The following ATF7IP variants were observed in gnomAD, a reference collection of about 807,000 sequenced individuals.
ATF7IP encodes activating transcription factor 7 interacting protein, also known as activating transcription factor 7-interacting protein 1.
In ATF7IP, 23 loss-of-function variants were observed where a neutral mutation model predicts 106.4. The ratio of observed to expected loss-of-function variants is 0.22; its 90% confidence interval spans 0.16 to 0.31. ATF7IP has a LOEUF of 0.31. Among genes scored for constraint, ATF7IP ranks in the 10% least tolerant of loss-of-function variants. The pLI is 1.00. For missense variants in ATF7IP, 1,334 were observed against 1,524.3 expected (o/e 0.88, Z 2.08); for synonymous variants, 542 against 539.0 (o/e 1.01, Z -0.08).
rs567691528 is a variant in ATF7IP at position 14,497,520 on chromosome 12, T to C, written c.3394-134T>C. On this transcript the variant is annotated intron_variant, in intron 14 of 14. Transcript: ENST00000261168. ...CAAATAGAACTTGCCAAATTTGATA[T>C]GGTATTTGGTATTTCCTAGAATTCT... 101 of 928,708 alleles carry C rather than the reference T, an allele frequency of 1.1e-4. No homozygotes were observed. The Middle Eastern group carries it at 2.1e-3, about 19-fold the overall frequency. 57.5% of individuals were successfully genotyped at this position (928,708 alleles called of 1,614,324 possible).
intron 8 of ATF7IP, 107 bp downstream of exon 8, chr12:14,457,402 A>G: frequency 1.4e-5 from 12 of 831,034 alleles, no homozygotes; most frequent in Non-Finnish European, 2.2e-5. Context: ...AATTGGGCAC[A>G]TTGGTCTAAG....
At chr12:14,497,577 C>G (rs1256015144) in intron 14 of ATF7IP, 77 bp from the exon 15 acceptor site, 108 of 1,363,550 alleles carry the variant, frequency 7.9e-5, no homozygotes, top group Non-Finnish European at 1.1e-4. Flanking sequence ...CGTATGTTCT[C>G]TAAGGTGTTT....
intron 1 of ATF7IP, among the ~76,000 whole-genome samples, chr12:14,404,036 C>T (rs1940410573): frequency 1.3e-5 from 2 of 151,636 alleles, no homozygotes; most frequent in Admixed American, 1.3e-4. Flanking sequence ...TTTTTAAATG[C>T]AGAGTCAGTT....
chr12:14,478,260 A>T (rs1944319726), intron 11 of ATF7IP, 57 bp from the exon 12 acceptor site: 1 of 1,560,786 alleles, frequency 6.4e-7, no homozygotes, highest in South Asian at 1.1e-5. Context: ...TAGAGGAAAG[A>T]CTTGTATTTC....
chr12:14,441,373 A>G (rs1325657559), intron 5 of ATF7IP, among the ~76,000 whole-genome samples: 1 of 151,698 alleles, frequency 6.6e-6, no homozygotes, highest in Non-Finnish European at 1.5e-5. Context: ...GATCAATCAT[A>G]TGTGCTTGTT....
At chr12:14,409,048 TATCAA>T (rs1214386490) in intron 1 of ATF7IP, among the ~76,000 whole-genome samples, 1 of 152,092 alleles carries the variant, frequency 6.6e-6, no homozygotes, top group Non-Finnish European at 1.5e-5. Flanking sequence ...TGTTTTCTAA[TATCAA>T]AGCTTTGGAC....
intron 9 of ATF7IP, 98 bp from the exon 10 acceptor site, chr12:14,466,428 A>G: frequency 1.1e-6 from 1 of 936,720 alleles, no homozygotes; most frequent in South Asian, 1.4e-5. Flanking sequence ...GTTGACGGAA[A>G]AGTAGTTGGA....
Position 14,423,964 on chromosome 12 carries a change from A to G in ATF7IP, c.49A>G (p.Thr17Ala), listed in dbSNP as rs1287205559. Residue 17 changes from threonine to alanine, a missense_variant, in exon 2 of 15, where the codon ACG becomes GCG. Coordinates refer to ENST00000261168, the MANE Select transcript of ATF7IP (RefSeq NM_018179.5). The part of the protein sequence containing the change: ...PQKKVFKARK[T>A]MRVSDRQQLE... ...GAAAAAAGTCTTTAAGGCTCGAAAAACGATGAGAGTGAGTGATCGTCAGCA... is the reference window on the plus strand; with the variant it reads ...GAAAAAAGTCTTTAAGGCTCGAAAAGCGATGAGAGTGAGTGATCGTCAGCA... 2 of 1,612,078 alleles carry G rather than the reference A, an allele frequency of 1.2e-6. No homozygotes were observed. The highest frequency in any genetic ancestry group is 1.7e-6 in the Non-Finnish European group (2 of 1,179,358).
At chr12:14,466,494 T>C in intron 9 of ATF7IP, 32 bp from the exon 10 acceptor site, 1 of 1,558,892 alleles carries the variant, frequency 6.4e-7, no homozygotes, top group Non-Finnish European at 8.7e-7. Context: ...ATTTTGTAGA[T>C]GTTTTTAAAA....
chr12:14,461,060 G>A lies in ATF7IP; in HGVS notation c.2724G>A (p.Gln908=). 6.2e-7 allele frequency: 1 copy of A among 1,614,096 alleles called. No individual in the cohort carries two copies. The highest frequency in any genetic ancestry group is 8.5e-7 in the Non-Finnish European group (1 of 1,180,000). The change falls in exon 9 of 15, where the codon CAG becomes CAA. Residue 908 remains glutamine, a synonymous_variant. Coordinates refer to ENST00000261168, the MANE Select transcript of ATF7IP (RefSeq NM_018179.5). ...CATCAACTAATCGAGGTCCTATACA[G>A]ATGAAAATTCCAATTTCTGCATTTA... is the stretch of plus-strand genomic sequence containing the variant. ...YSPSTNRGPI[Q]MKIPISAFST...
intron 13 of ATF7IP, among the ~76,000 whole-genome samples, chr12:14,491,253 ACACACC>A (rs1456416116): frequency 6.6e-6 from 1 of 152,202 alleles, no homozygotes; most frequent in Non-Finnish European, 1.5e-5. Flanking sequence ...GGCTGGAGTA[ACACACC>A]CACATGAGGA....
chr12:14,466,868 C>A (rs1037325427), intron 10 of ATF7IP, among the ~76,000 whole-genome samples: 2 of 152,052 alleles, frequency 1.3e-5, no homozygotes, highest in African/African-American at 4.8e-5. Flanking sequence ...AGTCATTTGC[C>A]TTTACATACT....
At chr12:14,492,500 G>A (rs1029705723) in intron 13 of ATF7IP, among the ~76,000 whole-genome samples, 4 of 136,636 alleles carry the variant, frequency 2.9e-5, no homozygotes, top group African/African-American at 7.6e-5. Context: ...CTGTAAACTG[G>A]CTCAAGTCTG....
At chr12:14,455,628 A>C (rs558559579) in intron 6 of ATF7IP, among the ~76,000 whole-genome samples, 1 of 152,192 alleles carries the variant, frequency 6.6e-6, no homozygotes, top group South Asian at 2.1e-4. Flanking sequence ...TCTGTCACCC[A>C]GGCTGGAGTG....
chr12:14,385,466 C>G, intron 1 of ATF7IP: 1 of 1,426,098 alleles, frequency 7.0e-7, no homozygotes, highest in Non-Finnish European at 9.5e-7. Context: ...AGGAATTTAA[C>G]TGAGTTTACT....
In ATF7IP at chr12:14,502,500, C is replaced by T. The variant is rs960255810; in HGVS notation, c.*4427C>T. On this transcript the variant is annotated 3_prime_UTR_variant, in exon 15 of 15. Transcript: ENST00000261168. Reference sequence around the variant, plus strand: ...CAGCTAAGTACCCATATTTAAATGCCGTCTTTATTATTTTTTTGAGGTCTT... The same window carrying T: ...CAGCTAAGTACCCATATTTAAATGCTGTCTTTATTATTTTTTTGAGGTCTT... The T allele has an allele frequency of 7.2e-5, 11 of 151,896 alleles. No individual in the cohort carries two copies. The highest frequency in any genetic ancestry group is 2.7e-4 in the African/African-American group (11 of 41,356). 9.4% of individuals were successfully genotyped at this position (151,896 alleles called of 1,614,324 possible).
In ATF7IP at chr12:14,500,469, T is replaced by C. The variant is rs1945130801; in HGVS notation, c.*2396T>C. Reference sequence around the variant, plus strand: ...GATGGTAAAGAAGTTGCCAGTGTTATGGCAATGAAAATTTCAGAAAGGAGG... The same window carrying C: ...GATGGTAAAGAAGTTGCCAGTGTTACGGCAATGAAAATTTCAGAAAGGAGG... On this transcript the variant is annotated 3_prime_UTR_variant, in exon 15 of 15. Coordinates refer to ENST00000261168, the MANE Select transcript of ATF7IP (RefSeq NM_018179.5). 6.6e-6 allele frequency: 1 copy of C among 152,230 alleles called. No homozygotes were observed. The highest frequency in any genetic ancestry group is 1.5e-5 in the Non-Finnish European group (1 of 68,034). 9.4% of individuals were successfully genotyped at this position (152,230 alleles called of 1,614,324 possible). A position where few individuals can be genotyped will look rare whatever the true frequency, so the allele number is the denominator to read the frequency against.
chr12:14,422,677 TCTCA>T (rs1241753868), intron 1 of ATF7IP, among the ~76,000 whole-genome samples: 1 of 152,218 alleles, frequency 6.6e-6, no homozygotes, highest in Non-Finnish European at 1.5e-5. Flanking sequence ...GACTGGCTTC[TCTCA>T]CTCAGCATAT....
intron 10 of ATF7IP, among the ~76,000 whole-genome samples, chr12:14,467,619 T>A (rs1189549069): frequency 6.6e-6 from 1 of 152,110 alleles, no homozygotes; most frequent in Non-Finnish European, 1.5e-5. Context: ...TTATAGGAAG[T>A]CTAGTTAAAC....
Sources: allele counts gnomAD v4.1 joint callset (sites outside exome capture counted in the v4.1 genomes callset), GRCh38; gene constraint gnomAD v4.1.1; transcripts MANE v1.5; gene names NCBI Gene and HGNC (gene_info 2026-07-23, HGNC 2026-07-21).